Variants in CHUK observed in about 807,000 individuals in gnomAD.
CHUK encodes component of inhibitor of nuclear factor kappa B kinase complex, also known as inhibitor of nuclear factor kappa-B kinase subunit alpha.
CHUK carries 35 observed loss-of-function variants against 104.8 expected under a neutral mutation model. The ratio of observed to expected loss-of-function variants is 0.33; its 90% CI spans 0.26 to 0.44. The LOEUF is 0.44. Among genes scored for constraint, CHUK ranks in the 20% least tolerant of loss-of-function variants. CHUK has a pLI of 1.00. For synonymous variants in CHUK, 276 were observed against 291.9 expected, an observed-to-expected ratio of 0.95 and a Z score of 0.56; for missense variants, 663 against 902.7, an observed-to-expected ratio of 0.73 and a Z score of 3.40.
chr10:100,228,641 T>C (rs1424673108), intron 1 of CHUK, among the ~76,000 whole-genome samples: 1 of 151,968 alleles, frequency 6.6e-6, no homozygotes, highest in East Asian at 1.9e-4. Flanking sequence ...GGCGACAGAG[T>C]GAGACTCCGT....
chr10:100,229,096 C>A (rs749772878), intron 1 of CHUK, among the ~76,000 whole-genome samples: 3 of 152,010 alleles, frequency 2.0e-5, no homozygotes, highest in Non-Finnish European at 4.4e-5. Context: ...TACATACACA[C>A]TGTGACGTGC....
In CHUK at chr10:100,188,464, C is replaced by G. The variant is rs1307238234; in HGVS notation, c.*1134G>C. ...AAATAATATCTTCTAAATTACTTAG[C>G]AGATGATAGAGGTCCACAGTCCTTT... On this transcript the variant is annotated 3_prime_UTR_variant, in exon 21 of 21. Coordinates refer to ENST00000370397, the MANE Select transcript of CHUK (RefSeq NM_001278.5). 1 of 152,584 alleles carries G rather than the reference C, an allele frequency of 6.6e-6. No individual in the cohort carries two copies. Among genetic ancestry groups the G allele is most frequent in the Non-Finnish European group, 1.5e-5 (1 of 68,034 alleles). 9.5% of individuals were successfully genotyped at this position (152,584 alleles called of 1,614,324 possible). A position where few individuals can be genotyped will look rare whatever the true frequency, so the allele number is the denominator to read the frequency against.
Position 100,218,076 on chromosome 10 carries a change from A to C in CHUK, c.852T>G (p.Pro284=). 6.2e-7 allele frequency: 1 copy of C among 1,613,306 alleles called. No individual in the cohort carries two copies. Among genetic ancestry groups the C allele is most frequent in the East Asian group, 2.2e-5 (1 of 44,866 alleles). ...GGTCAACAGGTCCTCCTCTCTGCTG[A>C]GGGTCCCAATTCAACATCAACTGTA... ...NWLQLMLNWD[P]QQRGGPVDLT... Residue 284 remains proline (P), a synonymous_variant, in exon 9 of 21, where the codon CCT becomes CCG. Coordinates refer to ENST00000370397, the MANE Select transcript of CHUK (RefSeq NM_001278.5).
chr10:100,191,200 A>G (rs1375429348), intron 19 of CHUK, among the ~76,000 whole-genome samples: 1 of 152,260 alleles, frequency 6.6e-6, no homozygotes, highest in Admixed American at 6.5e-5. Flanking sequence ...GAAGTCCACT[A>G]TAACTCCAGT....
intron 9 of CHUK, among the ~76,000 whole-genome samples, chr10:100,216,864 T>C (rs1002805072): frequency 8.6e-5 from 13 of 152,036 alleles, no homozygotes; most frequent in African/African-American, 2.9e-4. Context: ...CAGAATGCCA[T>C]GGTTAGGAAG....
Position 100,209,620 on chromosome 10 carries a change from G to C in CHUK, c.1103C>G (p.Ala368Gly), listed in dbSNP as rs1029083245. 29 of 1,607,906 alleles carry C rather than the reference G, an allele frequency of 1.8e-5. No individual in the cohort carries two copies. Among genetic ancestry groups the C allele is most frequent in the Non-Finnish European group, 2.3e-5 (27 of 1,174,544 alleles). ...TGISLDPRKP[A>G]SQCVLDGVRG... The stretch of plus-strand genomic sequence containing the variant: ...AACTCCATCTAGAACACATTGAGAG[G>C]CTGGTTTCCGAGGATCCAGAGAAAT... Residue 368 changes from alanine (A) to glycine (G), a missense_variant, in exon 10 of 21, where the codon GCC becomes GGC. Ala to Gly is a moderately conservative substitution (Grantham distance 60). Transcript: ENST00000370397.
chr10:100,197,033 T>G (rs2134210947), intron 16 of CHUK, among the ~76,000 whole-genome samples: 1 of 152,332 alleles, frequency 6.6e-6, no homozygotes, highest in African/African-American at 2.4e-5. Context: ...TTCTGAGAAG[T>G]GCATCATTGG....
chr10:100,209,773 T>C lies in CHUK; in HGVS notation c.950A>G (p.Asn317Ser). The change falls in exon 10 of 21, where the codon AAT (asparagine) becomes AGT (serine). Residue 317 changes from asparagine (N) to serine (S), a missense_variant. Physicochemically the swap from Asn to Ser is conservative, Grantham distance 46. Transcript: ENST00000370397. ...AGAAATTATCTTTGCAGAAGTCATATTTAGGATGTGTACTATCTGTATAAA... is the reference window on the plus strand; with the variant it reads ...AGAAATTATCTTTGCAGAAGTCATACTTAGGATGTGTACTATCTGTATAAA... The part of the protein sequence containing the change: ...ILNLKIVHIL[N>S]MTSAKIISFL... The C allele has an allele frequency of 7.0e-7, 1 of 1,429,892 alleles. No individual in the cohort carries two copies. The highest frequency in any genetic ancestry group is 9.9e-7 in the Non-Finnish European group (1 of 1,012,584). The allele number at this position is 1,429,892 out of a possible 1,614,324, so 88.6% of individuals were successfully genotyped here.
At chr10:100,197,158 A>G (rs985160982) in intron 16 of CHUK, among the ~76,000 whole-genome samples, 8 of 152,224 alleles carry the variant, frequency 5.3e-5, no homozygotes, top group Non-Finnish European at 5.9e-5. Flanking sequence ...TCAGCAAGTG[A>G]CTGTACTGAA....
At chr10:100,206,345 T>C (rs1845590812) in intron 11 of CHUK, among the ~76,000 whole-genome samples, 2 of 152,058 alleles carry the variant, frequency 1.3e-5, no homozygotes. Context: ...TGGTGTGACA[T>C]TGGCTCACTG....
chr10:100,212,935 G>C (rs1267981830), intron 9 of CHUK, among the ~76,000 whole-genome samples: 1 of 146,676 alleles, frequency 6.8e-6, no homozygotes, highest in Non-Finnish European at 1.5e-5. Flanking sequence ...GAACCTGGGA[G>C]ATCAAGGCTG....
At chr10:100,201,411 C>G (rs966980764) in intron 14 of CHUK, among the ~76,000 whole-genome samples, 3 of 152,128 alleles carry the variant, frequency 2.0e-5, no homozygotes, top group Non-Finnish European at 2.9e-5. Context: ...ATAATTATGG[C>G]AAGACATTAA....
At chr10:100,200,814 G>T in intron 14 of CHUK, 34 bp from the exon 15 acceptor site, 1 of 1,157,216 alleles carries the variant, frequency 8.6e-7, no homozygotes, top group Non-Finnish European at 1.3e-6. Context: ...GGAAATGAAA[G>T]GCTTACCACT....
At chr10:100,197,878 C>A (rs1464570050) in intron 16 of CHUK, among the ~76,000 whole-genome samples, 1 of 151,698 alleles carries the variant, frequency 6.6e-6, no homozygotes, top group Non-Finnish European at 1.5e-5. Context: ...AACCAAAAAA[C>A]GATATTTTCT....
At chr10:100,212,299 C>T (rs1289892400) in intron 9 of CHUK, among the ~76,000 whole-genome samples, 3 of 152,162 alleles carry the variant, frequency 2.0e-5, no homozygotes, top group Non-Finnish European at 2.9e-5. Flanking sequence ...TCCTCACTAA[C>T]GCTTATCTTT....
chr10:100,216,456 C>T (rs1362491112), intron 9 of CHUK, among the ~76,000 whole-genome samples: 1 of 152,170 alleles, frequency 6.6e-6, no homozygotes, highest in Non-Finnish European at 1.5e-5. Context: ...GTAATCTCAG[C>T]ACTTTGGGAA....
intron 19 of CHUK, among the ~76,000 whole-genome samples, 169 bp from the exon 20 acceptor site, chr10:100,191,137 A>G (rs549191363): frequency 6.6e-6 from 1 of 152,376 alleles, no homozygotes; most frequent in African/African-American, 2.4e-5. Flanking sequence ...CTACAGAGGC[A>G]GAGTCCTGTT....
At chr10:100,212,878 C>G (rs901106071) in intron 9 of CHUK, among the ~76,000 whole-genome samples, 1 of 151,650 alleles carries the variant, frequency 6.6e-6, no homozygotes, top group Non-Finnish European at 1.5e-5. Context: ...GGTGGCACAA[C>G]GCCTATAATC....
At chr10:100,203,368 A>C (rs980102728) in intron 13 of CHUK, among the ~76,000 whole-genome samples, 49 of 152,092 alleles carry the variant, frequency 3.2e-4, no homozygotes, top group African/African-American at 1.1e-3. Context: ...TATTTTAATG[A>C]AATAATTATA....
Sources: gnomAD v4.1 joint callset for allele counts (sites outside exome capture counted in the v4.1 genomes callset) on GRCh38, gnomAD v4.1.1 for gene constraint, MANE v1.5 for transcripts, NCBI Gene and HGNC (gene_info 2026-07-23, HGNC 2026-07-21) for gene names.